The following KPNA4 variants were observed in gnomAD, a reference collection of about 807,000 sequenced individuals.
KPNA4 encodes the protein importin subunit alpha-3.
A neutral mutation model predicts 71.3 loss-of-function variants in KPNA4; 13 were observed. The ratio of observed to expected loss-of-function variants is 0.18; its 90% confidence interval spans 0.12 to 0.29. KPNA4 has a LOEUF of 0.29. KPNA4 is among the 10% of genes least tolerant of loss of function. KPNA4 has a pLI of 1.00. For synonymous variants in KPNA4, 189 were observed against 195.2 expected, an observed-to-expected ratio of 0.97 and a Z score of 0.26; for missense variants, 334 against 603.2, an observed-to-expected ratio of 0.55 and a Z score of 4.67.
intron 2 of KPNA4, among the ~76,000 whole-genome samples, chr3:160,536,537 G>C (rs2108554156): frequency 6.6e-6 from 1 of 152,020 alleles, no homozygotes; most frequent in East Asian, 1.9e-4. Flanking sequence ...ATCTGTTTTT[G>C]CATAATGAAC....
chr3:160,536,596 C>CA (rs1190976938), intron 2 of KPNA4, among the ~76,000 whole-genome samples, 200 bp downstream of exon 2: 1 of 151,958 alleles, frequency 6.6e-6, no homozygotes, highest in Non-Finnish European at 1.5e-5. Context: ...CAAATTTAGT[C>CA]AAAATCTCTC....
rs1366463744 is a variant in KPNA4, at chr3:160,525,994, T to A, written c.670A>T (p.Met224Leu). The change falls in exon 9 of 17, where the codon ATG becomes TTG. Residue 224 changes from methionine (M) to leucine (L), a missense_variant. Coordinates refer to ENST00000334256, the MANE Select transcript of KPNA4 (RefSeq NM_002268.5). ...TCTTTGTGGCGACATAAGTTGACCA[T>A]AACCCAAGTAACATTTCTTAAGAAT... ...ITFLRNVTWV[M>L]VNLCRHKDPP... The A allele has an allele frequency of 6.2e-7, 1 of 1,601,386 alleles. No homozygotes were observed. Among genetic ancestry groups the A allele is most frequent in the East Asian group, 2.3e-5 (1 of 44,412 alleles).
intron 11 of KPNA4, among the ~76,000 whole-genome samples, chr3:160,515,892 G>C (rs1183863774): frequency 6.6e-6 from 1 of 152,094 alleles, no homozygotes; most frequent in Non-Finnish European, 1.5e-5. Context: ...TGGGATTATA[G>C]GCATGAGCCA....
intron 11 of KPNA4, among the ~76,000 whole-genome samples, chr3:160,521,409 G>A (rs1054495859): frequency 6.6e-5 from 10 of 152,170 alleles, no homozygotes; most frequent in Non-Finnish European, 1.3e-4. Context: ...GAGCAGCCTG[G>A]CCAACATGGC....
chr3:160,541,449 CA>C (rs919022108), intron 1 of KPNA4, among the ~76,000 whole-genome samples: 22 of 141,642 alleles, frequency 1.6e-4, no homozygotes, highest in Admixed American at 2.1e-4. Flanking sequence ...ACAGCACTAC[CA>C]AAAAAAAAAG....
intron 1 of KPNA4, among the ~76,000 whole-genome samples, chr3:160,537,864 T>TC (rs1721720233): frequency 6.6e-6 from 1 of 151,832 alleles, no homozygotes; most frequent in Admixed American, 6.6e-5. Flanking sequence ...TATCACTGCC[T>TC]CCTCTGCTAC....
intron 7 of KPNA4, among the ~76,000 whole-genome samples, chr3:160,529,645 AATT>A (rs760331691): frequency 5.3e-5 from 8 of 152,172 alleles, no homozygotes; most frequent in Non-Finnish European, 1.2e-4. Context: ...TCTTCTTTAA[AATT>A]ATTAATTTCT....
Position 160,497,088 on chromosome 3 carries a change from C to T in KPNA4, c.*5016G>A, listed in dbSNP as rs543564941. On this transcript the variant is annotated 3_prime_UTR_variant, in exon 17 of 17. Coordinates refer to ENST00000334256, the MANE Select transcript of KPNA4 (RefSeq NM_002268.5). ...TTCTGATCACACTAGAATAGTTTTA[C>T]CAATGTTCATTATTTTTCAACTTCC... is the stretch of plus-strand genomic sequence containing the variant. 42 of 152,290 alleles carry T rather than the reference C, an allele frequency of 2.8e-4. No individual in the cohort carries two copies. The highest frequency in any genetic ancestry group is 9.9e-4 in the African/African-American group (41 of 41,554). 9.4% of individuals were successfully genotyped at this position (152,290 alleles called of 1,614,324 possible).
At chr3:160,543,007 AAAC>A (rs1228195933) in intron 1 of KPNA4, among the ~76,000 whole-genome samples, 4 of 152,204 alleles carry the variant, frequency 2.6e-5, no homozygotes, top group Admixed American at 6.5e-5. Context: ...TTCAACATTC[AAAC>A]AACAGGAAAA....
At chr3:160,531,322 A>G (rs1256182860) in intron 6 of KPNA4, 140 bp downstream of exon 6, 2 of 481,942 alleles carry the variant, frequency 4.1e-6, no homozygotes, top group African/African-American at 2.0e-5. Context: ...CAAACCTTGC[A>G]CTGCTTTTCA....
In KPNA4 at chr3:160,497,349, T is replaced by A. The variant is rs1207407515; in HGVS notation, c.*4755A>T. ...ATTGCTTGAACCCTTGAGGCAGAGG[T>A]TGCAGTGAGCCGAGATTGCGCCACT... is the stretch of plus-strand genomic sequence containing the variant. On this transcript the variant is annotated 3_prime_UTR_variant, in exon 17 of 17. Transcript: ENST00000334256. 2 of 152,188 alleles carry A rather than the reference T, an allele frequency of 1.3e-5. No homozygotes were observed. The highest frequency in any genetic ancestry group is 1.9e-4 in the East Asian group (1 of 5,182). 9.4% of individuals were successfully genotyped at this position (152,188 alleles called of 1,614,324 possible). A position where few individuals can be genotyped will look rare whatever the true frequency, so the allele number is the denominator to read the frequency against.
At chr3:160,556,644 T>A (rs1021175408) in intron 1 of KPNA4, among the ~76,000 whole-genome samples, 5 of 152,188 alleles carry the variant, frequency 3.3e-5, no homozygotes, top group Non-Finnish European at 5.9e-5. Flanking sequence ...TCTGGTATGC[T>A]CCAATGAGTG....
intron 1 of KPNA4, among the ~76,000 whole-genome samples, chr3:160,555,972 C>T (rs1274676029): frequency 6.6e-6 from 1 of 152,156 alleles, no homozygotes; most frequent in East Asian, 1.9e-4. Context: ...GCTGGGATCA[C>T]AGGCATGCGC....
Position 160,497,636 on chromosome 3 carries a change from A to C in KPNA4, c.*4468T>G, listed in dbSNP as rs926276022. On this transcript the variant is annotated 3_prime_UTR_variant, in exon 17 of 17. Coordinates refer to ENST00000334256, the MANE Select transcript of KPNA4 (RefSeq NM_002268.5). ...AGTATTGCCTCAGATATCTGGGCAA[A>C]ATTTTTTCCTCCCATAATATTAAAT... 2.0e-5 allele frequency: 3 copies of C among 152,170 alleles called. No individual in the cohort carries two copies. Among genetic ancestry groups the C allele is most frequent in the African/African-American group, 7.2e-5 (3 of 41,426 alleles). 9.4% of individuals were successfully genotyped at this position (152,170 alleles called of 1,614,324 possible).
chr3:160,538,245 A>G (rs1721729819), intron 1 of KPNA4, among the ~76,000 whole-genome samples: 1 of 151,858 alleles, frequency 6.6e-6, no homozygotes, highest in South Asian at 2.1e-4. Flanking sequence ...AAGAGCTGTA[A>G]ATATAAAAAA....
rs752487814 is a variant in KPNA4 at position 160,528,085 on chromosome 3, A to C, written c.470-46T>G. 3.5e-6 allele frequency: 5 copies of C among 1,437,548 alleles called. No individual in the cohort carries two copies. The Admixed American group carries it at 9.2e-5, about 26-fold the overall frequency. The allele number at this position is 1,437,548 out of a possible 1,614,324, so 89.0% of individuals were successfully genotyped here. A position where few individuals can be genotyped will look rare whatever the true frequency, so the allele number is the denominator to read the frequency against. ...AATACTTAAGGTTGAAGATACCATA[A>C]ACCAAAAATCAATCTTTATTTTTTT... On this transcript the variant is annotated intron_variant, in intron 7 of 16. Transcript: ENST00000334256.
Position 160,514,065 on chromosome 3 carries a change from T to C in KPNA4, c.1137+12A>G. On this transcript the variant is annotated intron_variant, in intron 13 of 16. Transcript: ENST00000334256. ...CATCAGATAAATGATACATATAACATGATTTTCTTACCTTATCCAAAAGGT... is the reference window on the plus strand; with the variant it reads ...CATCAGATAAATGATACATATAACACGATTTTCTTACCTTATCCAAAAGGT... The C allele has an allele frequency of 2.0e-6, 3 of 1,472,186 alleles. No individual in the cohort carries two copies. The highest frequency in any genetic ancestry group is 2.8e-6 in the Non-Finnish European group (3 of 1,086,988). The allele number at this position is 1,472,186 out of a possible 1,614,324, so 91.2% of individuals were successfully genotyped here.
At chr3:160,517,555 C>T (rs540111964) in intron 11 of KPNA4, among the ~76,000 whole-genome samples, 2 of 152,132 alleles carry the variant, frequency 1.3e-5, no homozygotes, top group South Asian at 4.1e-4. Context: ...TATTCCAAAG[C>T]GGCTGTACCA....
chr3:160,540,290 C>T (rs758202713), intron 1 of KPNA4, among the ~76,000 whole-genome samples: 14 of 152,064 alleles, frequency 9.2e-5, no homozygotes, highest in Admixed American at 7.2e-4. Context: ...TGAGCCACCG[C>T]GCCTGACCCG....
Sources: allele counts gnomAD v4.1 joint callset (sites outside exome capture counted in the v4.1 genomes callset), GRCh38; gene constraint gnomAD v4.1.1; transcripts MANE v1.5; gene names NCBI Gene and HGNC (gene_info 2026-07-23, HGNC 2026-07-21).